The following ASIC2 variants were observed in gnomAD, a reference collection of about 807,000 sequenced individuals.
The protein encoded by ASIC2 is acid sensing ion channel subunit 2.
ASIC2 carries 25 observed loss-of-function variants against 57.3 expected under a neutral mutation model. That is an observed-to-expected ratio of 0.44 (90% CI 0.32 to 0.61). The LOEUF is 0.61. Among genes scored for constraint, ASIC2 ranks in the 20% least tolerant of loss-of-function variants. The probability of loss-of-function intolerance (pLI) is 0.06; values close to 1 mark genes in which losing one functional copy is unlikely to be tolerated. For synonymous variants in ASIC2, 319 were observed against 307.5 expected, an observed-to-expected ratio of 1.04 and a Z score of -0.39; for missense variants, 641 against 738.1, an observed-to-expected ratio of 0.87 and a Z score of 1.52.
chr17:33,240,325 G>A (rs985115087), intron 1 of ASIC2, among the ~76,000 whole-genome samples: 1 of 151,612 alleles, frequency 6.6e-6, no homozygotes, highest in Non-Finnish European at 1.5e-5. Flanking sequence ...GAACCTACAG[G>A]TTTTTTTTTG....
chr17:33,353,969 G>A (rs1265371833), intron 1 of ASIC2, among the ~76,000 whole-genome samples: 2 of 152,202 alleles, frequency 1.3e-5, no homozygotes, highest in Non-Finnish European at 2.9e-5. Flanking sequence ...TGGACTCACA[G>A]TTCCACATGG....
chr17:34,045,179 T>C (rs1042561285), intron 1 of ASIC2, among the ~76,000 whole-genome samples: 2 of 152,050 alleles, frequency 1.3e-5, no homozygotes, highest in African/African-American at 4.8e-5. Context: ...CTGCCTAGCA[T>C]CCAAAAAGAC....
At chr17:33,876,924 C>T (rs1291214916) in intron 1 of ASIC2, among the ~76,000 whole-genome samples, 1 of 152,228 alleles carries the variant, frequency 6.6e-6, no homozygotes, top group Non-Finnish European at 1.5e-5. Context: ...GTTACTTTTG[C>T]TTTCCTGAGC....
chr17:34,032,140 C>A (rs1861149367), intron 1 of ASIC2, among the ~76,000 whole-genome samples: 1 of 152,184 alleles, frequency 6.6e-6, no homozygotes, highest in Admixed American at 6.5e-5. Context: ...CAAAGGGAAA[C>A]CCATCAGACT....
chr17:33,705,411 G>C (rs1199721372), intron 1 of ASIC2, among the ~76,000 whole-genome samples: 1 of 152,128 alleles, frequency 6.6e-6, no homozygotes. Flanking sequence ...AGGTAAGAAT[G>C]TTACCTTATT....
intron 1 of ASIC2, among the ~76,000 whole-genome samples, chr17:33,709,794 C>G (rs113625632): frequency 5.3e-5 from 8 of 152,312 alleles, no homozygotes; most frequent in African/African-American, 1.9e-4. Context: ...AGAGACAGAA[C>G]AAGTTCAAGC....
At chr17:33,910,445 G>C (rs1307277319) in intron 1 of ASIC2, among the ~76,000 whole-genome samples, 1 of 152,140 alleles carries the variant, frequency 6.6e-6, no homozygotes, top group African/African-American at 2.4e-5. Flanking sequence ...CTGATTTTTA[G>C]CATGGATACT....
At chr17:33,267,358 C>T (rs1298350257) in intron 1 of ASIC2, among the ~76,000 whole-genome samples, 1 of 152,212 alleles carries the variant, frequency 6.6e-6, no homozygotes, top group African/African-American at 2.4e-5. Context: ...GTTGATTCAC[C>T]TCTTAAAGAA....
chr17:33,075,025 C>A (rs2092083918), intron 3 of ASIC2, among the ~76,000 whole-genome samples: 1 of 152,126 alleles, frequency 6.6e-6, no homozygotes, highest in East Asian at 1.9e-4. Context: ...TGCCATGTCC[C>A]CTCTGAGAGG....
chr17:33,719,763 A>G (rs1307724859), intron 1 of ASIC2, among the ~76,000 whole-genome samples: 1 of 152,222 alleles, frequency 6.6e-6, no homozygotes, highest in East Asian at 1.9e-4. Context: ...CGGTTTGTGC[A>G]GGGCTGGGGA....
intron 1 of ASIC2, among the ~76,000 whole-genome samples, chr17:33,592,075 G>A (rs894116764): frequency 6.6e-6 from 1 of 152,186 alleles, no homozygotes; most frequent in Non-Finnish European, 1.5e-5. Flanking sequence ...TCCCACAAGT[G>A]TCTTCTGGGC....
intron 3 of ASIC2, among the ~76,000 whole-genome samples, chr17:33,045,688 CAT>C (rs1491565938): frequency 4.5e-4 from 69 of 152,278 alleles, no homozygotes; most frequent in African/African-American, 1.6e-3. Context: ...ATCCTCAAGA[CAT>C]AGTACTGAGA....
At chr17:33,771,322 G>A (rs991268925) in intron 1 of ASIC2, among the ~76,000 whole-genome samples, 9 of 152,210 alleles carry the variant, frequency 5.9e-5, no homozygotes, top group South Asian at 4.1e-4. Context: ...GAGTCTGGGT[G>A]CAACCCTAAT....
At chr17:33,456,565 A>G (rs1250437745) in intron 1 of ASIC2, among the ~76,000 whole-genome samples, 1 of 152,100 alleles carries the variant, frequency 6.6e-6, no homozygotes, top group Non-Finnish European at 1.5e-5. Context: ...CTGGGTTTTC[A>G]TTGTGTGGAG....
intron 1 of ASIC2, among the ~76,000 whole-genome samples, chr17:33,361,663 G>T (rs1333234717): frequency 6.6e-6 from 1 of 152,170 alleles, no homozygotes; most frequent in Admixed American, 6.5e-5. Flanking sequence ...ATAGTAAAAA[G>T]ACTGAGGTTT....
chr17:33,994,170 G>A (rs989729658), intron 1 of ASIC2, among the ~76,000 whole-genome samples: 9 of 152,134 alleles, frequency 5.9e-5, no homozygotes, highest in African/African-American at 9.7e-5. Flanking sequence ...TCAGGGTCCC[G>A]TGCCCCAGAG....
intron 1 of ASIC2, among the ~76,000 whole-genome samples, chr17:33,982,718 C>T (rs1185259729): frequency 6.6e-6 from 1 of 152,196 alleles, no homozygotes; most frequent in Non-Finnish European, 1.5e-5. Context: ...CTCTGGGAAG[C>T]ATGCTTTGAA....
intron 1 of ASIC2, among the ~76,000 whole-genome samples, chr17:33,547,415 G>T (rs951084954): frequency 1.3e-5 from 2 of 152,132 alleles, no homozygotes; most frequent in Admixed American, 6.5e-5. Context: ...TATTCATGAG[G>T]CTAGAGTCCA....
intron 1 of ASIC2, among the ~76,000 whole-genome samples, chr17:33,797,230 G>A (rs1027370711): frequency 6.6e-6 from 1 of 152,292 alleles, no homozygotes. Flanking sequence ...TACATGATGA[G>A]CAAGAAGAGG....
Sources: gnomAD v4.1 joint callset for allele counts (sites outside exome capture counted in the v4.1 genomes callset) on GRCh38, gnomAD v4.1.1 for gene constraint, MANE v1.5 for transcripts, NCBI Gene and HGNC (gene_info 2026-07-23, HGNC 2026-07-21) for gene names.